Variants in NRG3 observed in about 807,000 individuals in gnomAD.
NRG3 encodes the protein pro-neuregulin-3, membrane-bound isoform.
Under a neutral mutation model 66.9 loss-of-function variants are expected in NRG3, and 31 were observed. The ratio of observed to expected loss-of-function variants is 0.46; its 90% CI spans 0.35 to 0.63. The LOEUF is 0.63. Among genes scored for constraint, NRG3 ranks in the 20% least tolerant of loss-of-function variants. NRG3 has a pLI of 0.00. For synonymous variants in NRG3, 393 were observed against 359.4 expected (o/e 1.09, Z -1.06); for missense variants, 910 against 878.9 (o/e 1.04, Z -0.45).
chr10:82,052,071 C>T (rs17655414), intron 1 of NRG3, among the ~76,000 whole-genome samples: 6,414 of 145,190 alleles, frequency 0.044, 193 homozygotes, highest in Non-Finnish European at 0.069. Context: ...TCCTCATTTT[C>T]TGGCAATGTA....
intron 1 of NRG3, among the ~76,000 whole-genome samples, chr10:82,189,892 G>T (rs1434024827): frequency 6.6e-6 from 1 of 152,138 alleles, no homozygotes; most frequent in Non-Finnish European, 1.5e-5. Context: ...GAACCTGGGA[G>T]GTGGAGGTTG....
At chr10:82,066,795 C>T (rs1262715130) in intron 1 of NRG3, among the ~76,000 whole-genome samples, 1 of 152,102 alleles carries the variant, frequency 6.6e-6, no homozygotes, top group East Asian at 1.9e-4. Flanking sequence ...CCAGCTAGTT[C>T]ACCACCCATG....
In NRG3 at chr10:82,644,554, G is replaced by A. The variant is rs528800848; in HGVS notation, c.954-94023G>A. Among the ~76,000 whole-genome samples, 6 of 152,200 alleles carry A rather than the reference G, an allele frequency of 3.9e-5. No homozygotes were observed. In the East Asian group the frequency reaches 9.7e-4, roughly 24 times the overall value. ...AACTTACTAATGAGGAAACTAGTGA[G>A]ACATTACAACCAGTTCAAAGAAGAA... On this transcript the variant is annotated intron_variant, in intron 2 of 8. Transcript: ENST00000372141.
chr10:82,813,685 G>A (rs959238137), intron 3 of NRG3, among the ~76,000 whole-genome samples: 1 of 152,050 alleles, frequency 6.6e-6, no homozygotes, highest in South Asian at 2.1e-4. Context: ...AATTAAACGG[G>A]CTGTCTTTTG....
chr10:82,985,631 C>A lies in NRG3; in HGVS notation c.*26C>A. The A allele has an allele frequency of 1.3e-6, 2 of 1,586,094 alleles. No individual in the cohort carries two copies. Among genetic ancestry groups the A allele is most frequent in the Non-Finnish European group, 1.7e-6 (2 of 1,171,390 alleles). On this transcript the variant is annotated 3_prime_UTR_variant, in exon 9 of 9. Coordinates refer to ENST00000372141, the MANE Select transcript of NRG3 (RefSeq NM_001010848.4). Reference sequence around the variant, plus strand: ...CTTGAGATGTAGGAATCTGTGCATTCTATGCTTTGCTCAACAGGAAAGAGA... The same window carrying A: ...CTTGAGATGTAGGAATCTGTGCATTATATGCTTTGCTCAACAGGAAAGAGA...
At chr10:81,904,303 C>A (rs941438376) in intron 1 of NRG3, among the ~76,000 whole-genome samples, 6 of 152,060 alleles carry the variant, frequency 3.9e-5, no homozygotes, top group African/African-American at 1.2e-4. Context: ...AGCCACCATG[C>A]CTGGCCCAGA....
intron 1 of NRG3, among the ~76,000 whole-genome samples, chr10:82,353,581 A>G (rs2083568582): frequency 6.6e-6 from 1 of 152,170 alleles, no homozygotes; most frequent in African/African-American, 2.4e-5. Context: ...GGGGATAGAG[A>G]CCGAAACGTA....
At chr10:82,398,108 C>T (rs914638480) in intron 2 of NRG3, among the ~76,000 whole-genome samples, 1 of 152,174 alleles carries the variant, frequency 6.6e-6, no homozygotes, top group Admixed American at 6.5e-5. Context: ...ACACCCAGGG[C>T]TTGGGCTAGG....
intron 1 of NRG3, among the ~76,000 whole-genome samples, chr10:81,968,470 C>G (rs998739689): frequency 6.6e-6 from 1 of 152,160 alleles, no homozygotes; most frequent in African/African-American, 2.4e-5. Context: ...GAGATGTCAC[C>G]TCCCTTTTTG....
At chr10:82,593,916 A>G (rs2047126594) in intron 2 of NRG3, among the ~76,000 whole-genome samples, 1 of 152,026 alleles carries the variant, frequency 6.6e-6, no homozygotes, top group Non-Finnish European at 1.5e-5. Flanking sequence ...CATTTCATTT[A>G]CAAGTCATTT....
At chr10:82,892,520 G>A (rs557902588) in intron 4 of NRG3, among the ~76,000 whole-genome samples, 2 of 151,994 alleles carry the variant, frequency 1.3e-5, no homozygotes, top group African/African-American at 2.4e-5. Flanking sequence ...TTAAAAATTA[G>A]CCATGAGTGG....
chr10:82,118,263 T>C (rs1188820211), intron 1 of NRG3, among the ~76,000 whole-genome samples: 1 of 150,612 alleles, frequency 6.6e-6, no homozygotes, highest in Non-Finnish European at 1.5e-5. Flanking sequence ...CTGGAGCACA[T>C]ATAATTTTAG....
chr10:82,287,171 G>A (rs2079463137), intron 1 of NRG3, among the ~76,000 whole-genome samples: 1 of 152,012 alleles, frequency 6.6e-6, no homozygotes, highest in Non-Finnish European at 1.5e-5. Flanking sequence ...CTGGTGAGGG[G>A]TGTTTGGGTC....
chr10:81,962,198 A>C (rs1294525849), intron 1 of NRG3, among the ~76,000 whole-genome samples: 1 of 152,216 alleles, frequency 6.6e-6, no homozygotes, highest in African/African-American at 2.4e-5. Flanking sequence ...CAGCCATGTT[A>C]AAGAAATCTC....
At chr10:82,488,967 AAT>A in intron 2 of NRG3, among the ~76,000 whole-genome samples, 1 of 152,144 alleles carries the variant, frequency 6.6e-6, no homozygotes, top group African/African-American at 2.4e-5. Flanking sequence ...CCAGTTACCT[AAT>A]ATATATATAG....
At chr10:82,109,575 GTGTA>G (rs369260328) in intron 1 of NRG3, among the ~76,000 whole-genome samples, 7,317 of 118,280 alleles carry the variant, frequency 0.062, 182 homozygotes, top group African/African-American at 0.11. Flanking sequence ...GTGTGTGTGT[GTGTA>G]TATATATATT....
At chr10:82,578,029 C>T (rs1038918844) in intron 2 of NRG3, among the ~76,000 whole-genome samples, 9 of 151,240 alleles carry the variant, frequency 6.0e-5, no homozygotes, top group Non-Finnish European at 1.0e-4. Context: ...CCAATGTTAC[C>T]AGCAAAACAC....
At chr10:82,250,099 A>G (rs2077415515) in intron 1 of NRG3, among the ~76,000 whole-genome samples, 1 of 152,198 alleles carries the variant, frequency 6.6e-6, no homozygotes, top group African/African-American at 2.4e-5. Context: ...TTGAGGTGGA[A>G]TTATCTCATA....
intron 1 of NRG3, among the ~76,000 whole-genome samples, chr10:82,118,089 C>T (rs772068890): frequency 1.3e-5 from 2 of 152,048 alleles, no homozygotes; most frequent in Non-Finnish European, 2.9e-5. Flanking sequence ...TTGGAACCCT[C>T]ACTTCCTGAC....
Sources: allele counts gnomAD v4.1 joint callset (sites outside exome capture counted in the v4.1 genomes callset), GRCh38; gene constraint gnomAD v4.1.1; transcripts MANE v1.5; gene names NCBI Gene and HGNC (gene_info 2026-07-23, HGNC 2026-07-21).